The following RNLS variants were observed in gnomAD, a reference collection of about 807,000 sequenced individuals.
RNLS encodes the protein renalase, FAD dependent amine oxidase, also known as renalase.
Under a neutral mutation model 39.8 loss-of-function variants are expected in RNLS, and 39 were observed. The ratio of observed to expected loss-of-function variants is 0.98; its 90% confidence interval spans 0.76 to 1.28. The LOEUF (loss-of-function observed/expected upper bound fraction) is 1.28, where lower values mean the gene tolerates loss of function less well. Among genes scored for constraint, RNLS ranks in the 50% most tolerant of loss-of-function variants. RNLS has a pLI of 0.00. For missense variants in RNLS, 410 were observed against 413.3 expected, an observed-to-expected ratio of 0.99 and a Z score of 0.07; for synonymous variants, 147 against 150.7, an observed-to-expected ratio of 0.98 and a Z score of 0.18.
chr10:88,207,390 C>A, the RNLS span, among the ~76,000 whole-genome samples: 3 of 152,004 alleles, frequency 2.0e-5, no homozygotes, highest in Admixed American at 2.0e-4. Context: ...CATCACCAAT[C>A]AAGATATATG....
intron 4 of RNLS, among the ~76,000 whole-genome samples, chr10:88,507,094 T>A (rs1056864050): frequency 1.3e-5 from 2 of 152,170 alleles, no homozygotes; most frequent in African/African-American, 4.8e-5. Context: ...ACTTGCAGCC[T>A]CAGCAGTTAA....
At chr10:88,241,685 G>A in the RNLS span, among the ~76,000 whole-genome samples, 1 of 152,088 alleles carries the variant, frequency 6.6e-6, no homozygotes, top group African/African-American at 2.4e-5. Flanking sequence ...ACCTATCAGT[G>A]GCTCTCCACA....
At chr10:88,537,474 A>G (rs1409131736) in intron 4 of RNLS, among the ~76,000 whole-genome samples, 2 of 152,196 alleles carry the variant, frequency 1.3e-5, no homozygotes, top group African/African-American at 4.8e-5. Flanking sequence ...CAAGGGTGAA[A>G]TGGATAACAT....
At chr10:88,344,080 G>C (rs546488425) in intron 5 of RNLS, among the ~76,000 whole-genome samples, 3 of 152,088 alleles carry the variant, frequency 2.0e-5, no homozygotes, top group African/African-American at 7.2e-5. Flanking sequence ...TGTGTTAAGT[G>C]GTATTATGAT....
chr10:88,539,294 G>A (rs1293781437), intron 4 of RNLS, among the ~76,000 whole-genome samples: 2 of 152,086 alleles, frequency 1.3e-5, no homozygotes, highest in Non-Finnish European at 2.9e-5. Context: ...CATATAGTAT[G>A]CACATATAAT....
intron 4 of RNLS, among the ~76,000 whole-genome samples, chr10:88,392,493 A>T (rs1193703381): frequency 1.3e-5 from 2 of 152,216 alleles, no homozygotes. Context: ...CAGAGCCCTT[A>T]GGCAAAGATT....
At chr10:88,414,365 G>A (rs750835337) in intron 4 of RNLS, among the ~76,000 whole-genome samples, 5 of 152,132 alleles carry the variant, frequency 3.3e-5, no homozygotes, top group Non-Finnish European at 5.9e-5. Flanking sequence ...TGGTGTTAGG[G>A]TATAGTTTCC....
chr10:88,447,153 T>A (rs1266990404), intron 4 of RNLS, among the ~76,000 whole-genome samples: 1 of 152,172 alleles, frequency 6.6e-6, no homozygotes, highest in East Asian at 1.9e-4. Context: ...GTGTTGGAAG[T>A]TCTGGCCAGG....
intron 4 of RNLS, among the ~76,000 whole-genome samples, chr10:88,409,351 A>G (rs1423282309): frequency 1.3e-5 from 2 of 152,172 alleles, no homozygotes; most frequent in African/African-American, 4.8e-5. Context: ...ACCTTGTGCT[A>G]TAAGAACAAA....
chr10:88,386,435 ATTCTGGCT>A (rs927568662), intron 4 of RNLS, among the ~76,000 whole-genome samples: 13 of 152,240 alleles, frequency 8.5e-5, no homozygotes, highest in African/African-American at 2.7e-4. Context: ...CTCTGACAGA[ATTCTGGCT>A]TTCTGCCACT....
At chr10:88,362,509 C>T (rs1330680653) in intron 5 of RNLS, 43 bp downstream of exon 5, 13 of 1,552,482 alleles carry the variant, frequency 8.4e-6, no homozygotes, top group Non-Finnish European at 1.1e-5. Flanking sequence ...GATCTACACC[C>T]ACCATTGTTG....
intron 4 of RNLS, among the ~76,000 whole-genome samples, chr10:88,526,915 C>T (rs1231222598): frequency 1.3e-5 from 2 of 148,208 alleles, no homozygotes; most frequent in Non-Finnish European, 3.1e-5. Flanking sequence ...ACTGGAGGCA[C>T]CAGGTGTCTC....
At chr10:88,273,760 T>C (rs1003096251), downstream of RNLS, 1 of 152,220 alleles carries the variant, frequency 6.6e-6, no homozygotes, top group Non-Finnish European at 1.5e-5. Context: ...TGCCACTTAC[T>C]ATGCGAACAG....
rs1849416876 is a variant in RNLS at position 88,358,999 on chromosome 10, G to C, written c.700+3553C>G. ...CACCCCACATAAAGCAAGGGTGTGG[G>C]GTAGTGTTACTGGCATAAAGAAACA... On this transcript the variant is annotated intron_variant, in intron 5 of 6. Coordinates refer to ENST00000331772, the MANE Select transcript of RNLS (RefSeq NM_001031709.3). Among the ~76,000 whole-genome samples, 5 of 152,218 alleles carry C rather than the reference G, an allele frequency of 3.3e-5. No individual in the cohort carries two copies. The South Asian group carries it at 1.0e-3, about 32-fold the overall frequency.
chr10:88,241,915 C>G, the RNLS span, among the ~76,000 whole-genome samples: 1 of 152,080 alleles, frequency 6.6e-6, no homozygotes, highest in Non-Finnish European at 1.5e-5. Flanking sequence ...CTCTCTCTGT[C>G]TCTCTGTCTC....
intron 4 of RNLS, among the ~76,000 whole-genome samples, chr10:88,537,411 C>T (rs1847816774): frequency 6.6e-6 from 1 of 152,100 alleles, no homozygotes; most frequent in African/African-American, 2.4e-5. Context: ...CAAGAATGTT[C>T]ACAGGAGCGC....
At chr10:88,454,931 C>A (rs764076929) in intron 4 of RNLS, among the ~76,000 whole-genome samples, 2 of 152,098 alleles carry the variant, frequency 1.3e-5, no homozygotes, top group Non-Finnish European at 2.9e-5. Flanking sequence ...CATTTTTATT[C>A]AATTCAACAG....
intron 4 of RNLS, among the ~76,000 whole-genome samples, chr10:88,462,906 A>C (rs1351720441): frequency 6.6e-6 from 1 of 152,066 alleles, no homozygotes; most frequent in Non-Finnish European, 1.5e-5. Context: ...GTATATTCTT[A>C]ATCTCCAGGT....
downstream of RNLS, chr10:88,273,855 T>C (rs1842718815): frequency 6.6e-6 from 1 of 152,084 alleles, no homozygotes; most frequent in Non-Finnish European, 1.5e-5. Context: ...ATTGATAGGT[T>C]AAAAAATTAC....
Sources: allele counts gnomAD v4.1 joint callset (sites outside exome capture counted in the v4.1 genomes callset), GRCh38; gene constraint gnomAD v4.1.1; transcripts MANE v1.5; gene names NCBI Gene and HGNC (gene_info 2026-07-23, HGNC 2026-07-21).